TMEM74: variants seen among roughly 807,000 people sequenced by gnomAD.
TMEM74 encodes the protein transmembrane protein 74.
TMEM74 carries 13 observed loss-of-function variants against 18.1 expected under a neutral mutation model. That is an observed-to-expected ratio of 0.72 (90% CI 0.47 to 1.14). TMEM74 has a LOEUF of 1.14. Among genes scored for constraint, TMEM74 ranks in the 50% most tolerant of loss-of-function variants. The pLI is 0.00. For synonymous variants in TMEM74, 159 were observed against 146.6 expected (o/e 1.08, Z -0.61); for missense variants, 372 against 375.9 (o/e 0.99, Z 0.09).
intron 1 of TMEM74, among the ~76,000 whole-genome samples, chr8:108,763,628 T>C (rs1814069658): frequency 6.6e-6 from 1 of 152,046 alleles, no homozygotes. Context: ...GTGTTTAGAG[T>C]AATAAGTAAA....
At chr8:108,778,017 A>G (rs1177082870), downstream of TMEM74, among the ~76,000 whole-genome samples, 2 of 152,158 alleles carry the variant, frequency 1.3e-5, no homozygotes, top group Non-Finnish European at 2.9e-5. Context: ...AAGATCTACT[A>G]AATTTGCCTT....
chr8:108,711,663 C>A (rs140185834), intron 1 of TMEM74, among the ~76,000 whole-genome samples: 317 of 152,248 alleles, frequency 2.1e-3, no homozygotes, highest in Non-Finnish European at 3.4e-3. Flanking sequence ...CTGGGGAGTC[C>A]TTGAGTCAAA....
chr8:108,716,709 G>A (rs916309594), intron 1 of TMEM74, among the ~76,000 whole-genome samples: 1 of 151,568 alleles, frequency 6.6e-6, no homozygotes, highest in African/African-American at 2.4e-5. Flanking sequence ...AAAATAAAAT[G>A]AGAAATTATT....
intron 2 of TMEM74, among the ~76,000 whole-genome samples, chr8:108,613,980 C>T (rs1025369577): frequency 2.7e-5 from 4 of 150,706 alleles, no homozygotes; most frequent in African/African-American, 4.9e-5. Flanking sequence ...ATTTAGGAAC[C>T]TGACACATAA....
At chr8:108,755,201 G>A (rs1265541708) in intron 1 of TMEM74, among the ~76,000 whole-genome samples, 1 of 152,028 alleles carries the variant, frequency 6.6e-6, no homozygotes, top group East Asian at 1.9e-4. Context: ...ACCATCCCAA[G>A]GGATTGAATT....
At chr8:108,689,675 T>A (rs981747755) in intron 1 of TMEM74, among the ~76,000 whole-genome samples, 1 of 152,224 alleles carries the variant, frequency 6.6e-6, no homozygotes, top group African/African-American at 2.4e-5. Context: ...GATTCCAGTT[T>A]ATTGAAAAAT....
chr8:108,708,244 T>C (rs1323963666), intron 1 of TMEM74, among the ~76,000 whole-genome samples: 1 of 142,602 alleles, frequency 7.0e-6, no homozygotes, highest in Non-Finnish European at 1.5e-5. Flanking sequence ...CCATGGTGTA[T>C]ATGTAACACC....
chr8:108,730,553 A>T (rs1813683044), intron 1 of TMEM74, among the ~76,000 whole-genome samples: 1 of 151,236 alleles, frequency 6.6e-6, no homozygotes, highest in Non-Finnish European at 1.5e-5. Context: ...TAAATTACTC[A>T]TTTATATATT....
chr8:108,666,658 GA>G (rs1812952195), intron 1 of TMEM74, among the ~76,000 whole-genome samples: 1 of 152,196 alleles, frequency 6.6e-6, no homozygotes, highest in African/African-American at 2.4e-5. Context: ...AGAGATGGGA[GA>G]TTAGACAACA....
intron 1 of TMEM74, among the ~76,000 whole-genome samples, chr8:108,766,570 G>C (rs1204955739): frequency 6.6e-6 from 1 of 152,152 alleles, no homozygotes; most frequent in Non-Finnish European, 1.5e-5. Flanking sequence ...TTTCACAATA[G>C]AGCCTCAACT....
intron 2 of TMEM74, among the ~76,000 whole-genome samples, chr8:108,609,465 T>C (rs758310092): frequency 1.1e-4 from 16 of 152,160 alleles, no homozygotes; most frequent in Non-Finnish European, 1.6e-4. Context: ...CTGGGCAACA[T>C]GGTGAAACCC....
chr8:108,677,795 A>T (rs1250115827), intron 1 of TMEM74, among the ~76,000 whole-genome samples: 1 of 152,198 alleles, frequency 6.6e-6, no homozygotes, highest in African/African-American at 2.4e-5. Flanking sequence ...GAATATGGCT[A>T]GTTGCCTTTA....
chr8:108,663,495 G>A (rs1003761145), intron 1 of TMEM74, among the ~76,000 whole-genome samples: 1 of 152,070 alleles, frequency 6.6e-6, no homozygotes. Context: ...AAAAATGAAC[G>A]CTTTTATACT....
rs754678196 is a variant in TMEM74 at position 108,784,630 on chromosome 8, A to G, written c.469T>C (p.Ser157Pro). 6.2e-7 allele frequency: 1 copy of G among 1,614,148 alleles called. No homozygotes were observed. The highest frequency in any genetic ancestry group is 1.1e-5 in the South Asian group (1 of 91,080). ...GAACTTGTATCATCCTCCTCTTCAG[A>G]TATCAAAGATATGGCAGCCTCTTGG... is the stretch of plus-strand genomic sequence containing the variant. ...WSQEAAISLI[S>P]EEEDDTSSEA... is the part of the protein sequence containing the mutation. The change falls in exon 2 of 2, where the codon TCT becomes CCT. Residue 157 changes from serine (S) to proline (P), a missense_variant. Physicochemically the swap from Ser to Pro is moderately conservative, Grantham distance 74. Transcript: ENST00000297459.
chr8:108,638,365 TA>T (rs1478676462), intron 2 of TMEM74, among the ~76,000 whole-genome samples: 2 of 152,136 alleles, frequency 1.3e-5, no homozygotes, highest in Non-Finnish European at 2.9e-5. Flanking sequence ...GCTTCATGCT[TA>T]AAAAATGTTC....
In TMEM74 at chr8:108,754,672, TAGGTAG is replaced by T. The variant is rs1478217901; in HGVS notation, n.119+32798_119+32803del. Among the ~76,000 whole-genome samples the T allele has an allele frequency of 4.9e-4, 74 of 151,688 alleles. 2 individuals are homozygous for T. The highest frequency in any genetic ancestry group is 4.6e-3 in the Admixed American group (70 of 15,196). The stretch of plus-strand genomic sequence containing the variant: ...GTAGGTAGGTAGGTAGCTAGGTAGC[TAGGTAG>T]CTAGGTAGCTAGGTAGGTAGACAGA... On this transcript the variant is annotated intron_variant and non_coding_transcript_variant, in intron 1 of 3. Transcript: ENST00000518838.
chr8:108,640,093 T>G (rs1812648204), intron 2 of TMEM74, among the ~76,000 whole-genome samples: 1 of 151,688 alleles, frequency 6.6e-6, no homozygotes, highest in East Asian at 1.9e-4. Context: ...ACTACTATTC[T>G]TTTACTCTTT....
chr8:108,658,674 C>A (rs893319790), intron 1 of TMEM74, among the ~76,000 whole-genome samples: 5 of 152,140 alleles, frequency 3.3e-5, no homozygotes, highest in Non-Finnish European at 5.9e-5. Context: ...TGCAGCCAAG[C>A]AAATGCCAAT....
At chr8:108,626,629 C>CA (rs1188097516) in intron 2 of TMEM74, 2 of 152,180 alleles carry the variant, frequency 1.3e-5, no homozygotes, top group East Asian at 3.9e-4. Context: ...AAATCATTGA[C>CA]AATCTGATAT....
Sources: allele counts gnomAD v4.1 joint callset (sites outside exome capture counted in the v4.1 genomes callset), GRCh38; gene constraint gnomAD v4.1.1; transcripts MANE v1.5; gene names NCBI Gene and HGNC (gene_info 2026-07-23, HGNC 2026-07-21).